The following COL18A1 variants were observed in gnomAD, a reference collection of about 807,000 sequenced individuals.
COL18A1 encodes collagen alpha-1(XVIII) chain.
In COL18A1, 133 loss-of-function variants were observed where a neutral mutation model predicts 168.0. The ratio of observed to expected loss-of-function variants is 0.79; its 90% CI spans 0.69 to 0.91. The LOEUF (loss-of-function observed/expected upper bound fraction) is 0.91. Ranked by LOEUF, COL18A1 falls within the 40% of genes least tolerant of loss-of-function variation. The pLI, the probability that COL18A1 is intolerant of heterozygous loss-of-function variation, is 0.00. For missense variants in COL18A1, 2,126 were observed against 1,925.4 expected, an observed-to-expected ratio of 1.10 and a Z score of -1.95; for synonymous variants, 949 against 809.0, an observed-to-expected ratio of 1.17 and a Z score of -2.94.
In COL18A1 at chr21:45,480,680, C is replaced by CTG; in HGVS notation, c.1453-16_1453-15dup. ...TGGGTGCCACATGGGCTGTGACTATCTGTGTTCGCCCACGTCCAGGGTCCT... is the reference window on the plus strand; with the variant it reads ...TGGGTGCCACATGGGCTGTGACTATCTGTGTGTTCGCCCACGTCCAGGGTCCT... On this transcript the variant is annotated intron_variant, in intron 12 of 41. Coordinates refer to ENST00000651438, the MANE Select transcript of COL18A1 (RefSeq NM_001379500.1). 1 of 1,610,914 alleles carries CTG rather than the reference C, an allele frequency of 6.2e-7. No homozygotes were observed. The highest frequency in any genetic ancestry group is 8.5e-7 in the Non-Finnish European group (1 of 1,179,960).
chr21:45,453,225 T>G (rs941341746), intron 2 of COL18A1, among the ~76,000 whole-genome samples: 9 of 152,182 alleles, frequency 5.9e-5, no homozygotes, highest in Non-Finnish European at 1.2e-4. Context: ...TGTATGTACA[T>G]GTGTGTGCTT....
intron 18 of COL18A1, among the ~76,000 whole-genome samples, chr21:45,489,196 ATTGT>A (rs1232773377): frequency 6.6e-6 from 1 of 152,168 alleles, no homozygotes; most frequent in African/African-American, 2.4e-5. Flanking sequence ...GCTTTCTTAA[ATTGT>A]TTGAATGAGG....
At chr21:45,510,450 G>A (rs1203939285) in intron 40 of COL18A1, among the ~76,000 whole-genome samples, 189 bp downstream of exon 40, 1 of 152,144 alleles carries the variant, frequency 6.6e-6, no homozygotes, top group African/African-American at 2.4e-5. Flanking sequence ...CCAGGCCTCT[G>A]CATCCCTGGG....
intron 2 of COL18A1, among the ~76,000 whole-genome samples, chr21:45,464,500 T>C (rs905863145): frequency 3.3e-5 from 5 of 152,190 alleles, no homozygotes; most frequent in African/African-American, 9.7e-5. Flanking sequence ...TATAGGTATG[T>C]AGCTTCCTAT....
Position 45,463,316 on chromosome 21 carries a change from C to T in COL18A1, c.107-4926C>T, listed in dbSNP as rs1051127902. 6.6e-6 allele frequency among the ~76,000 whole-genome samples: 1 copy of T among 152,232 alleles called. No individual in the cohort carries two copies. The highest frequency in any genetic ancestry group is 1.5e-5 in the Non-Finnish European group (1 of 68,044). ...TCCCACAAGCTGTGTGGCTGCTGCT[C>T]CAGGAACTCGTGCATGGCACCTGCT... On this transcript the variant is annotated intron_variant, in intron 2 of 41. Transcript: ENST00000651438. This position sits in a 1 kb window ranked among gnomAD's most constrained non-coding sequence, Gnocchi z 4.0.
At chr21:45,456,265 A>G in intron 2 of COL18A1, 1 of 1,577,500 alleles carries the variant, frequency 6.3e-7, no homozygotes, top group Non-Finnish European at 8.6e-7. Context: ...CGCCCGCCGC[A>G]GCCGCTCCCA....
intron 39 of COL18A1, 71 bp downstream of exon 39, chr21:45,509,672 C>A: frequency 1.1e-6 from 1 of 872,928 alleles, no homozygotes; most frequent in Non-Finnish European, 1.8e-6. Flanking sequence ...GAGGGCCCAG[C>A]CCCTGCAGAG....
intron 29 of COL18A1, chr21:45,496,089 T>TATGCCCTCCATGCCCTCTATGCCCTCC (rs1568928486): frequency 1.0e-4 from 27 of 260,188 alleles, no homozygotes; most frequent in African/African-American, 4.4e-4. Flanking sequence ...CCATGCCCTC[T>TATGCCCTCCATGCCCTCTATGCCCTCC]ATGCCCTCCA....
chr21:45,482,674 C>T (rs539629013), intron 14 of COL18A1, 121 bp from the exon 15 acceptor site: 150 of 1,443,624 alleles, frequency 1.0e-4, no homozygotes, highest in African/African-American at 2.5e-4. Context: ...ACTATTAAAC[C>T]GGCACAGGCA....
chr21:45,509,411 C>A lies in COL18A1; in HGVS notation c.3305C>A (p.Pro1102His). 1 of 1,541,668 alleles carries A rather than the reference C, an allele frequency of 6.5e-7. No individual in the cohort carries two copies. The highest frequency in any genetic ancestry group is 2.4e-5 in the East Asian group (1 of 40,986). The change falls in exon 39 of 42, where the codon CCC becomes CAC. Residue 1102 changes from proline (P) to histidine (H), a missense_variant. Pro to His is a moderately conservative substitution (Grantham distance 77). Transcript: ENST00000651438. ...PPVVQLHDSN[P>H]YPRREHPHPT... ...GTGGTGCAGCTGCACGACAGCAACC[C>A]CTACCCGCGGCGGGAGCACCCCCAC...
rs566581275 is a variant in COL18A1 at position 45,489,008 on chromosome 21, G to A, written c.1924-478G>A. 1.7e-3 allele frequency among the ~76,000 whole-genome samples: 256 copies of A among 152,254 alleles called. 2 individuals are homozygous for A. The highest frequency in any genetic ancestry group is 5.6e-3 in the African/African-American group (234 of 41,552). On this transcript the variant is annotated intron_variant, in intron 18 of 41. Transcript: ENST00000651438. ...CAGCAGCCGCCTTTCACCCCGCTGC[G>A]TGCTCATCAAAGCGTCCTCTGCTGC...
intron 2 of COL18A1, among the ~76,000 whole-genome samples, chr21:45,411,695 G>A (rs1370073164): frequency 6.7e-6 from 1 of 150,224 alleles, no homozygotes; most frequent in Non-Finnish European, 1.5e-5. Flanking sequence ...TGACACAGGC[G>A]AGGGCTTCGT....
At chr21:45,431,863 C>G (rs1055223662) in intron 2 of COL18A1, among the ~76,000 whole-genome samples, 1 of 152,124 alleles carries the variant, frequency 6.6e-6, no homozygotes, top group African/African-American at 2.4e-5. Flanking sequence ...GGGTACCAGG[C>G]GGGTGAGTGG....
chr21:45,409,523 G>A (rs2033225243), intron 2 of COL18A1, among the ~76,000 whole-genome samples: 1 of 152,018 alleles, frequency 6.6e-6, no homozygotes, highest in Admixed American at 6.5e-5. Context: ...CCAGGCACCT[G>A]CCCAGAATGA....
intron 32 of COL18A1, among the ~76,000 whole-genome samples, chr21:45,500,368 TGA>T (rs775603710): frequency 2.4e-4 from 7 of 29,194 alleles, no homozygotes; most frequent in African/African-American, 6.2e-4. Context: ...GTGTAGTGTG[TGA>T]GGGGGTGGGG....
intron 2 of COL18A1, among the ~76,000 whole-genome samples, chr21:45,426,567 C>T (rs886124626): frequency 2.6e-5 from 4 of 152,176 alleles, no homozygotes; most frequent in Admixed American, 6.5e-5. Flanking sequence ...AACCCTGCCA[C>T]GCCCTGAGTG....
At chr21:45,452,511 C>T (rs964774138) in intron 2 of COL18A1, among the ~76,000 whole-genome samples, 9 of 151,402 alleles carry the variant, frequency 5.9e-5, no homozygotes, top group South Asian at 2.1e-4. Context: ...ATTCACGTGA[C>T]GTGTGAGCAT....
chr21:45,426,880 A>T (rs1383109926), intron 2 of COL18A1, among the ~76,000 whole-genome samples: 1 of 152,098 alleles, frequency 6.6e-6, no homozygotes, highest in Non-Finnish European at 1.5e-5. Flanking sequence ...CCCGCGGTGG[A>T]AGGAGCTGCC....
At chr21:45,509,194 C>G (rs1452965228) in intron 38 of COL18A1, among the ~76,000 whole-genome samples, 162 bp from the exon 39 acceptor site, 1 of 152,070 alleles carries the variant, frequency 6.6e-6, no homozygotes, top group Non-Finnish European at 1.5e-5. Flanking sequence ...CCCACCCTTG[C>G]TGCTGCCTAC....
Sources: allele counts gnomAD v4.1 joint callset (sites outside exome capture counted in the v4.1 genomes callset), GRCh38; gene constraint gnomAD v4.1.1; non-coding constraint Gnocchi (gnomAD v3.1); transcripts MANE v1.5; gene names NCBI Gene and HGNC (gene_info 2026-07-23, HGNC 2026-07-21).